The following LIPF variants were observed in gnomAD, a reference collection of about 807,000 sequenced individuals.
LIPF encodes the protein gastric triacylglycerol lipase.
In LIPF, 25 loss-of-function variants were observed where a neutral mutation model predicts 38.0. The observed-to-expected ratio is 0.66, with a 90% CI of 0.48 to 0.92. The LOEUF (loss-of-function observed/expected upper bound fraction) is 0.92. Ranked by LOEUF, LIPF falls within the 40% of genes least tolerant of loss-of-function variation. The pLI is 0.00. For synonymous variants in LIPF, 161 were observed against 156.2 expected, an observed-to-expected ratio of 1.03 and a Z score of -0.23; for missense variants, 410 against 469.9, an observed-to-expected ratio of 0.87 and a Z score of 1.18.
In LIPF at chr10:88,678,713, T is replaced by C; in HGVS notation, c.*32T>C. 7.1e-7 allele frequency: 1 copy of C among 1,415,194 alleles called. No homozygotes were observed. Among genetic ancestry groups the C allele is most frequent in the Non-Finnish European group, 1.0e-6 (1 of 1,002,224 alleles). The allele number at this position is 1,415,194 out of a possible 1,614,324, so 87.7% of individuals were successfully genotyped here. A position where few individuals can be genotyped will look rare whatever the true frequency, so the allele number is the denominator to read the frequency against. On this transcript the variant is annotated 3_prime_UTR_variant, in exon 10 of 10. Transcript: ENST00000238983. ...ATTTAAAGAATTATCCGTTTGTTTT[T>C]CCAAAATACTTTATTCTCTCATACA...
chr10:88,677,734 C>A lies in LIPF; in HGVS notation c.961-711C>A, dbSNP rs143570080. On this transcript the variant is annotated intron_variant, in intron 9 of 9. Coordinates refer to ENST00000238983, the MANE Select transcript of LIPF (RefSeq NM_004190.4). ...AAAATCTAACAAAATTCTCTCTGGG[C>A]AGCAAGAAAATTTGAGATAATTCTC... is the stretch of plus-strand genomic sequence containing the variant. 9.5e-4 allele frequency among the ~76,000 whole-genome samples: 144 copies of A among 152,292 alleles called. 2 individuals are homozygous for A. Among genetic ancestry groups the A allele is most frequent in the African/African-American group, 3.4e-3 (143 of 41,550 alleles).
At chr10:88,669,810 A>T in intron 4 of LIPF, 27 bp from the exon 5 acceptor site, 1 of 1,434,052 alleles carries the variant, frequency 7.0e-7, no homozygotes, top group Non-Finnish European at 9.8e-7. Context: ...AAATGTATTC[A>T]CTTTCATTTT....
chr10:88,676,844 C>CT (rs1454490925), intron 9 of LIPF, among the ~76,000 whole-genome samples: 1 of 152,160 alleles, frequency 6.6e-6, no homozygotes, highest in Non-Finnish European at 1.5e-5. Context: ...GACTTTGGAG[C>CT]TTATCTTATC....
intron 7 of LIPF, 22 bp downstream of exon 7, chr10:88,673,756 T>C: frequency 6.3e-7 from 1 of 1,594,122 alleles, no homozygotes; most frequent in Non-Finnish European, 8.6e-7. Flanking sequence ...TTTCAATTTC[T>C]ATATTTTGAG....
At chr10:88,678,183 G>C (rs988804417) in intron 9 of LIPF, among the ~76,000 whole-genome samples, 3 of 152,150 alleles carry the variant, frequency 2.0e-5, no homozygotes, top group African/African-American at 7.2e-5. Context: ...ATCTCAGGCT[G>C]TTCCCCAGAT....
chr10:88,672,016 G>T, intron 6 of LIPF, 51 bp downstream of exon 6: 1 of 1,491,922 alleles, frequency 6.7e-7, no homozygotes, highest in Non-Finnish European at 9.1e-7. Context: ...ATTGCCCATG[G>T]ATTTTAAAGT....
chr10:88,669,795 C>A, intron 4 of LIPF, 42 bp from the exon 5 acceptor site: 1 of 1,339,778 alleles, frequency 7.5e-7, no homozygotes, highest in Non-Finnish European at 1.1e-6. Context: ...GAAACAATAG[C>A]AAGGAAATGT....
At chr10:88,666,991 T>C (rs1304171552) in intron 1 of LIPF, among the ~76,000 whole-genome samples, 1 of 151,714 alleles carries the variant, frequency 6.6e-6, no homozygotes, top group Admixed American at 6.6e-5. Flanking sequence ...CTTTTTTTTT[T>C]TGCCAATTAA....
chr10:88,664,911 G>A (rs1841489365), intron 1 of LIPF, among the ~76,000 whole-genome samples: 1 of 152,174 alleles, frequency 6.6e-6, no homozygotes, highest in African/African-American at 2.4e-5. Flanking sequence ...ATCAACTGCT[G>A]TTGAATTGAT....
chr10:88,670,718 A>G (rs1318188079), intron 5 of LIPF, among the ~76,000 whole-genome samples: 1 of 152,170 alleles, frequency 6.6e-6, no homozygotes, highest in East Asian at 1.9e-4. Flanking sequence ...GGGAGGAAAG[A>G]CTGTTCGGGG....
rs546375469 is a variant in LIPF, at chr10:88,671,222, A to G, written c.533-607A>G. ...ATTTATCAAGCATTTACTATGTGCCAAGAATCATGATAAATTCTTTCTTTA... is the reference window on the plus strand; with the variant it reads ...ATTTATCAAGCATTTACTATGTGCCGAGAATCATGATAAATTCTTTCTTTA... On this transcript the variant is annotated intron_variant, in intron 5 of 9. Transcript: ENST00000238983. Among the ~76,000 whole-genome samples, 6 of 152,336 alleles carry G rather than the reference A, an allele frequency of 3.9e-5. No individual in the cohort carries two copies. In the South Asian group the frequency reaches 1.2e-3, roughly 32 times the overall value.
chr10:88,670,994 G>C (rs1841587914), intron 5 of LIPF, among the ~76,000 whole-genome samples: 1 of 152,082 alleles, frequency 6.6e-6, no homozygotes, highest in Non-Finnish European at 1.5e-5. Context: ...ATATCTGAAA[G>C]GGTTTTTTTT....
At chr10:88,667,447 T>A in intron 2 of LIPF, 45 bp downstream of exon 2, 2 of 1,204,448 alleles carry the variant, frequency 1.7e-6, no homozygotes, top group African/African-American at 1.5e-5. Context: ...AAAGATGCTA[T>A]TATTTAAAAT....
rs150812830 is a variant in LIPF, at chr10:88,678,604, G to C, written c.1120G>C (p.Asp374His). 2 of 1,613,838 alleles carry C rather than the reference G, an allele frequency of 1.2e-6. No homozygotes were observed. Among genetic ancestry groups the C allele is most frequent in the African/African-American group, 2.7e-5 (2 of 74,896 alleles). The change falls in exon 10 of 10, where the codon GAC becomes CAC. Residue 374 changes from aspartate (D) to histidine (H), a missense_variant. Coordinates refer to ENST00000238983, the MANE Select transcript of LIPF (RefSeq NM_004190.4). Reference protein sequence around the residue: ...HKEIPFYNHLDFIWAMDAPQE... With the variant: ...HKEIPFYNHLHFIWAMDAPQE... ...GGAGATTCCTTTTTACAATCACTTG[G>C]ACTTTATCTGGGCAATGGATGCCCC... is the stretch of plus-strand genomic sequence containing the variant.
chr10:88,678,517 T>C lies in LIPF; in HGVS notation c.1033T>C (p.Leu345=). Residue 345 remains leucine, a synonymous_variant, in exon 10 of 10, where the codon TTG becomes CTG. Coordinates refer to ENST00000238983, the MANE Select transcript of LIPF (RefSeq NM_004190.4). Reference sequence around the variant, plus strand: ...AGTGTGGAACGGTGGCAAGGACCTGTTGGCTGACCCCCAAGATGTTGGCCT... The same window carrying C: ...AGTGTGGAACGGTGGCAAGGACCTGCTGGCTGACCCCCAAGATGTTGGCCT... ...IAVWNGGKDL[L]ADPQDVGLLL... is the part of the protein sequence containing the mutation. 1 of 1,614,080 alleles carries C rather than the reference T, an allele frequency of 6.2e-7. No individual in the cohort carries two copies. Among genetic ancestry groups the C allele is most frequent in the Non-Finnish European group, 8.5e-7 (1 of 1,179,958 alleles).
At chr10:88,674,603 A>C (rs1310228560) in intron 7 of LIPF, among the ~76,000 whole-genome samples, 1 of 152,236 alleles carries the variant, frequency 6.6e-6, no homozygotes, top group African/African-American at 2.4e-5. Flanking sequence ...CTACATTTGG[A>C]ACTGACTTAA....
At chr10:88,669,756 G>T (rs1841565964) in intron 4 of LIPF, 81 bp from the exon 5 acceptor site, 6 of 958,440 alleles carry the variant, frequency 6.3e-6, no homozygotes, top group African/African-American at 1.6e-5. Context: ...ATCCCAAAGG[G>T]ATCATTAGCT....
chr10:88,674,937 T>A (rs1367575563), intron 7 of LIPF, among the ~76,000 whole-genome samples: 2 of 152,210 alleles, frequency 1.3e-5, no homozygotes, highest in African/African-American at 4.8e-5. Context: ...AACAAATTAC[T>A]GTATTCCATT....
intron 5 of LIPF, among the ~76,000 whole-genome samples, chr10:88,670,382 A>G (rs563514662): frequency 6.6e-5 from 10 of 152,366 alleles, no homozygotes; most frequent in African/African-American, 2.2e-4. Context: ...TAAAAAGTAA[A>G]ATGTAATATA....
Sources: gnomAD v4.1 joint callset for allele counts (sites outside exome capture counted in the v4.1 genomes callset) on GRCh38, gnomAD v4.1.1 for gene constraint, MANE v1.5 for transcripts, NCBI Gene and HGNC (gene_info 2026-07-23, HGNC 2026-07-21) for gene names.